ZP2: variants seen among roughly 807,000 people sequenced by gnomAD.
ZP2 encodes zona pellucida glycoprotein 2.
Under a neutral mutation model 84.0 loss-of-function variants are expected in ZP2, and 51 were observed. The observed-to-expected ratio is 0.61, with a 90% confidence interval of 0.49 to 0.77. ZP2 has a LOEUF of 0.77. ZP2 is among the 30% of genes least tolerant of loss of function. ZP2 has a pLI of 0.00. For missense variants in ZP2, 909 were observed against 911.9 expected, an observed-to-expected ratio of 1.00 and a Z score of 0.04; for synonymous variants, 375 against 330.9, an observed-to-expected ratio of 1.13 and a Z score of -1.45.
Position 21,202,227 on chromosome 16 carries a change from TTG to T in ZP2, c.1162_1163del (p.Gln388ThrfsTer4), listed in dbSNP as rs1227653586. The T allele has an allele frequency of 1.2e-5, 19 of 1,575,064 alleles. No individual in the cohort carries two copies. Among genetic ancestry groups the T allele is most frequent in the Admixed American group, 4.2e-5 (2 of 47,258 alleles). The part of the protein sequence containing the change: ...MDVEVYSYQT[Q>X]PALDLGTLRV... ...TCAGAGTACCCAGGTCAAGAGCTGG[TTG>T]TGTTTGGTAGCTGTAGACCTCGACG... On this transcript the variant is annotated frameshift_variant, in exon 11 of 19. Transcript: ENST00000574091. LOFTEE classifies it high-confidence loss of function.
In ZP2 at chr16:21,198,273, T is replaced by C. The variant is rs540213655; in HGVS notation, c.2012-424A>G. On this transcript the variant is annotated intron_variant, in intron 17 of 18. Transcript: ENST00000574091. Reference sequence around the variant, plus strand: ...AGCTGGGCACAGTGGCAGGTGCCTGTAATCCCTGATACTCGGGAGGCTGAG... The same window carrying C: ...AGCTGGGCACAGTGGCAGGTGCCTGCAATCCCTGATACTCGGGAGGCTGAG... Among the ~76,000 whole-genome samples the C allele has an allele frequency of 1.9e-4, 29 of 152,122 alleles. No homozygotes were observed. In the East Asian group the frequency reaches 4.3e-3, roughly 22 times the overall value.
At chr16:21,200,862 T>C (rs192602096) in intron 14 of ZP2, among the ~76,000 whole-genome samples, 9 of 152,284 alleles carry the variant, frequency 5.9e-5, no homozygotes. Flanking sequence ...TCAGACTTTC[T>C]GGGGCTTTGG....
intron 9 of ZP2, chr16:21,203,646 A>G: frequency 2.9e-6 from 1 of 341,758 alleles, no homozygotes; most frequent in Non-Finnish European, 5.4e-6. Context: ...TGGCAGTTCT[A>G]GTGAAGACTA....
intron 2 of ZP2, 83 bp downstream of exon 2, chr16:21,211,224 G>A (rs905683822): frequency 1.6e-6 from 2 of 1,215,350 alleles, no homozygotes; most frequent in African/African-American, 3.0e-5. Context: ...TCTGAGCCAG[G>A]CCTGTGTTTC....
rs1406715156 is a variant in ZP2, at chr16:21,201,353, T to C, written c.1694+16A>G. On this transcript the variant is annotated intron_variant, in intron 14 of 18. Transcript: ENST00000574091. ...ATGGATTAGCTGGGTAACCTGATAGTACAGGGAGTACCTACCCATCCACGA... is the reference window on the plus strand; with the variant it reads ...ATGGATTAGCTGGGTAACCTGATAGCACAGGGAGTACCTACCCATCCACGA... 33 of 1,543,592 alleles carry C rather than the reference T, an allele frequency of 2.1e-5. No individual in the cohort carries two copies. The highest frequency in any genetic ancestry group is 2.9e-5 in the Non-Finnish European group (33 of 1,145,102).
chr16:21,210,842 T>C (rs1285288381), intron 2 of ZP2, among the ~76,000 whole-genome samples: 2 of 151,622 alleles, frequency 1.3e-5, no homozygotes, highest in Non-Finnish European at 2.9e-5. Context: ...CCCAAAGTTC[T>C]GGGATTACAG....
rs1597581360 is a variant in ZP2, at chr16:21,198,095, T to TG, written c.2012-247_2012-246insC. The TG allele has an allele frequency of 2.0e-5, 6 of 295,684 alleles. No homozygotes were observed. In the East Asian group the frequency reaches 3.7e-4, roughly 18 times the overall value. The allele number at this position is 295,684 out of a possible 1,614,324, so 18.3% of individuals were successfully genotyped here. On this transcript the variant is annotated intron_variant, in intron 17 of 18. Coordinates refer to ENST00000574091, the MANE Select transcript of ZP2 (RefSeq NM_001376232.1). ...ACTATACAAGAAATTCAAGAGGATT[T>TG]TTTTTTTTTTTTTTTGTGGCCGGGT...
At chr16:21,209,054 G>A (rs2093262573) in intron 4 of ZP2, among the ~76,000 whole-genome samples, 1 of 152,174 alleles carries the variant, frequency 6.6e-6, no homozygotes, top group Non-Finnish European at 1.5e-5. Context: ...GGGTAATGTT[G>A]GTTGTCTGCC....
intron 6 of ZP2, 64 bp from the exon 7 acceptor site, chr16:21,205,648 C>G (rs759724188): frequency 6.2e-7 from 1 of 1,611,878 alleles, no homozygotes; most frequent in Non-Finnish European, 8.5e-7. Flanking sequence ...GGTAGTCTAA[C>G]AATTTATCAG....
chr16:21,210,282 T>G, intron 2 of ZP2, 90 bp from the exon 3 acceptor site: 1 of 1,039,754 alleles, frequency 9.6e-7, no homozygotes, highest in Non-Finnish European at 1.5e-6. Flanking sequence ...ATGGGAGGGA[T>G]TCCAGATGAG....
Position 21,201,258 on chromosome 16 carries a change from T to G in ZP2, c.1694+111A>C, listed in dbSNP as rs2093223630. The G allele has an allele frequency of 3.2e-6, 3 of 951,878 alleles. No homozygotes were observed. In the East Asian group the frequency reaches 8.3e-5, roughly 26 times the overall value. The allele number at this position is 951,878 out of a possible 1,614,324, so 59.0% of individuals were successfully genotyped here. A position where few individuals can be genotyped will look rare whatever the true frequency, so the allele number is the denominator to read the frequency against. ...TCCCAATTAGAAAACAAGGACTAAA[T>G]CTGGATCTCACATGACTGAATGCTG... is the stretch of plus-strand genomic sequence containing the variant. On this transcript the variant is annotated intron_variant, in intron 14 of 18. Coordinates refer to ENST00000574091, the MANE Select transcript of ZP2 (RefSeq NM_001376232.1).
rs763245616 is a variant in ZP2, at chr16:21,202,259, T to C, written c.1132A>G (p.Met378Val). The change falls in exon 11 of 19, where the codon ATG (methionine) becomes GTG (valine). Residue 378 changes from methionine (M) to valine (V), a missense_variant. By Grantham distance (21) the Met-to-Val change is conservative. Transcript: ENST00000574091. ...TGELCTQDGF[M>V]DVEVYSYQTQ... ...TGGTAGCTGTAGACCTCGACGTCCA[T>C]AAACCCATCCTGGGTGCACAGCTCC... 6.5e-7 allele frequency: 1 copy of C among 1,545,292 alleles called. No homozygotes were observed. The highest frequency in any genetic ancestry group is 8.7e-7 in the Non-Finnish European group (1 of 1,151,006).
At chr16:21,207,836 A>G (rs191644419) in intron 4 of ZP2, among the ~76,000 whole-genome samples, 2 of 152,220 alleles carry the variant, frequency 1.3e-5, no homozygotes, top group East Asian at 3.9e-4. Context: ...AGCCTGGACA[A>G]CAGCAAGACC....
At chr16:21,205,889 G>T in intron 5 of ZP2, 114 bp from the exon 6 acceptor site, 1 of 1,002,704 alleles carries the variant, frequency 1.0e-6, no homozygotes, top group Non-Finnish European at 1.6e-6. Context: ...GGGATGCAGT[G>T]GAAGAAGCAC....
chr16:21,204,936 G>A (rs1597587249), intron 7 of ZP2, among the ~76,000 whole-genome samples: 3 of 152,318 alleles, frequency 2.0e-5, no homozygotes, highest in African/African-American at 7.2e-5. Context: ...TGCTTGTTCT[G>A]TGTTGTACTA....
intron 5 of ZP2, 32 bp from the exon 6 acceptor site, chr16:21,205,807 G>T: frequency 6.2e-7 from 1 of 1,611,392 alleles, no homozygotes; most frequent in South Asian, 1.1e-5. Context: ...GTAAGACTTT[G>T]ATTTGGAGGT....
intron 2 of ZP2, 71 bp downstream of exon 2, chr16:21,211,236 T>G: frequency 2.9e-6 from 4 of 1,378,554 alleles, no homozygotes; most frequent in Admixed American, 1.7e-5. Context: ...CTGTGTTTCT[T>G]GGCCAGCTAG....
At position 21,203,043 on chromosome 16, in the gene ZP2, C is replaced by A. The variant is rs543105409; in HGVS notation, c.1099+82G>T. 6 of 1,517,824 alleles carry A rather than the reference C, an allele frequency of 4.0e-6. No homozygotes were observed. The South Asian group carries it at 5.1e-5, about 13-fold the overall frequency. 94.0% of individuals were successfully genotyped at this position (1,517,824 alleles called of 1,614,324 possible). On this transcript the variant is annotated intron_variant, in intron 10 of 18. Transcript: ENST00000574091. ...CAGTCTATAAGCAATAGATCAGAATCTGACCTTCTATACATTTGCCCACAT... is the reference window on the plus strand; with the variant it reads ...CAGTCTATAAGCAATAGATCAGAATATGACCTTCTATACATTTGCCCACAT...
chr16:21,203,819 A>G, intron 9 of ZP2: 1 of 608,950 alleles, frequency 1.6e-6, no homozygotes, highest in Non-Finnish European at 2.9e-6. Flanking sequence ...TTTTCATGAC[A>G]GAAGTTAAAG....
Sources: allele counts gnomAD v4.1 joint callset (sites outside exome capture counted in the v4.1 genomes callset), GRCh38; gene constraint gnomAD v4.1.1; transcripts MANE v1.5; gene names NCBI Gene and HGNC (gene_info 2026-07-23, HGNC 2026-07-21).